TMEM131: variants seen among roughly 807,000 people sequenced by gnomAD.
TMEM131 encodes transmembrane protein 131.
In TMEM131, 66 loss-of-function variants were observed where a neutral mutation model predicts 211.6. The observed-to-expected ratio is 0.31, with a 90% CI of 0.26 to 0.38. The LOEUF is 0.38. TMEM131 is among the 10% of genes least tolerant of loss of function. TMEM131 has a pLI of 1.00. For missense variants in TMEM131, 2,036 were observed against 2,299.3 expected (o/e 0.89, Z 2.34); for synonymous variants, 844 against 841.3 (o/e 1.00, Z -0.06).
intron 2 of TMEM131, among the ~76,000 whole-genome samples, chr2:97,918,010 G>A (rs1258132887): frequency 6.6e-6 from 1 of 151,084 alleles, no homozygotes; most frequent in African/African-American, 2.4e-5. Context: ...GCAGTGGCAC[G>A]ATCTCGGCTC....
At chr2:97,943,049 GAAAGA>G in intron 1 of TMEM131, among the ~76,000 whole-genome samples, 1 of 53,512 alleles carries the variant, frequency 1.9e-5, no homozygotes, top group South Asian at 3.5e-4. Context: ...AAGAAAGAAA[GAAAGA>G]AAGAAAGAAA....
chr2:97,924,302 G>T (rs1004939068), intron 2 of TMEM131, among the ~76,000 whole-genome samples: 6 of 152,302 alleles, frequency 3.9e-5, no homozygotes, highest in African/African-American at 1.4e-4. Flanking sequence ...AGGTTCACTT[G>T]GGCCCGGGAG....
At chr2:97,781,348 C>G (rs12712120) in intron 31 of TMEM131, among the ~76,000 whole-genome samples, 41,107 of 152,110 alleles carry the variant, frequency 0.27, 6,091 homozygotes, top group Middle Eastern at 0.36. Context: ...ACTCACTAAC[C>G]CAAGTCCAAA....
chr2:97,814,479 T>A (rs527999595), intron 13 of TMEM131, 91 bp from the exon 14 acceptor site: 1 of 1,227,594 alleles, frequency 8.1e-7, no homozygotes, highest in East Asian at 2.6e-5. Context: ...AGTAATAATT[T>A]ACATTTAGCA....
At chr2:97,763,917 G>A (rs930010045) in intron 35 of TMEM131, 1 of 152,222 alleles carries the variant, frequency 6.6e-6, no homozygotes, top group African/African-American at 2.4e-5. Flanking sequence ...GAGTGAAGGG[G>A]AGACTCTGAA....
intron 1 of TMEM131, among the ~76,000 whole-genome samples, chr2:97,949,274 T>TA (rs1678189797): frequency 6.6e-6 from 1 of 152,192 alleles, no homozygotes; most frequent in African/African-American, 2.4e-5. Context: ...GTAAATACTG[T>TA]ATGATTCTGC....
intron 1 of TMEM131, among the ~76,000 whole-genome samples, chr2:97,963,017 G>T (rs1007534730): frequency 2.0e-5 from 3 of 152,148 alleles, no homozygotes; most frequent in Non-Finnish European, 4.4e-5. Context: ...TGAGGAAAAG[G>T]CACTGATTGC....
At chr2:97,822,756 T>G (rs1370849631) in intron 11 of TMEM131, among the ~76,000 whole-genome samples, 1 of 152,076 alleles carries the variant, frequency 6.6e-6, no homozygotes, top group Non-Finnish European at 1.5e-5. Context: ...CAGGGACTGT[T>G]GTGGGTGCCT....
At chr2:97,920,843 G>A (rs774267596) in intron 2 of TMEM131, among the ~76,000 whole-genome samples, 1 of 152,108 alleles carries the variant, frequency 6.6e-6, no homozygotes, top group Non-Finnish European at 1.5e-5. Context: ...ATGAGATAAA[G>A]AAGACCTAAA....
intron 15 of TMEM131, among the ~76,000 whole-genome samples, chr2:97,813,706 T>C (rs1400388606): frequency 6.6e-6 from 1 of 152,194 alleles, no homozygotes; most frequent in Non-Finnish European, 1.5e-5. Context: ...ATTACAATAG[T>C]TTAAAAGCAT....
At chr2:97,919,208 A>G (rs146594825) in intron 2 of TMEM131, among the ~76,000 whole-genome samples, 6 of 152,356 alleles carry the variant, frequency 3.9e-5, no homozygotes, top group Non-Finnish European at 7.3e-5. Context: ...TCTACAAAGT[A>G]TACATTCATT....
intron 11 of TMEM131, among the ~76,000 whole-genome samples, chr2:97,819,233 G>C (rs1681994838): frequency 6.6e-6 from 1 of 152,146 alleles, no homozygotes. Context: ...CTGCGAGTGA[G>C]GCATGCTGCT....
At chr2:97,762,269 A>C in intron 35 of TMEM131, 69 bp from the exon 36 acceptor site, 1 of 1,499,386 alleles carries the variant, frequency 6.7e-7, no homozygotes. Context: ...ATCACTTTGA[A>C]TGTTCTCTAA....
chr2:97,796,200 TTAAAA>T lies in TMEM131; in HGVS notation c.3200+13_3200+17del. 8 of 1,440,372 alleles carry T rather than the reference TTAAAA, an allele frequency of 5.6e-6. No homozygotes were observed. Among genetic ancestry groups the T allele is most frequent in the South Asian group, 1.3e-5 (1 of 76,388 alleles). The allele number at this position is 1,440,372 out of a possible 1,614,324, so 89.2% of individuals were successfully genotyped here. A position where few individuals can be genotyped will look rare whatever the true frequency, so the allele number is the denominator to read the frequency against. ...AGGAAAGTTAGTGATTCATTACACC[TTAAAA>T]TAAAATACTTACAATATGATTATAT... On this transcript the variant is annotated intron_variant, in intron 28 of 40. Transcript: ENST00000186436.
At chr2:97,900,967 C>T (rs1331843701) in intron 3 of TMEM131, among the ~76,000 whole-genome samples, 1 of 152,092 alleles carries the variant, frequency 6.6e-6, no homozygotes, top group East Asian at 1.9e-4. Flanking sequence ...TGATGACTGG[C>T]CATGCAGAGC....
At chr2:97,827,242 G>T in intron 11 of TMEM131, 3 of 771,274 alleles carry the variant, frequency 3.9e-6, no homozygotes, top group Admixed American at 3.6e-5. Flanking sequence ...CTTCCCCGCC[G>T]CCAGGATGCC....
chr2:97,983,086 G>A (rs1679866028), intron 1 of TMEM131, among the ~76,000 whole-genome samples: 1 of 152,108 alleles, frequency 6.6e-6, no homozygotes, highest in Non-Finnish European at 1.5e-5. Context: ...AGAAGCTCAG[G>A]GGTTGCCTTT....
At chr2:97,959,554 T>C (rs1678724583) in intron 1 of TMEM131, among the ~76,000 whole-genome samples, 1 of 139,182 alleles carries the variant, frequency 7.2e-6, no homozygotes, top group Admixed American at 7.0e-5. Flanking sequence ...TATATATATG[T>C]CTGCGTGTGT....
At chr2:97,953,828 C>G (rs1214805329) in intron 1 of TMEM131, among the ~76,000 whole-genome samples, 1 of 152,018 alleles carries the variant, frequency 6.6e-6, no homozygotes, top group Non-Finnish European at 1.5e-5. Context: ...GCTGGTGAAC[C>G]TTAAGTTCAT....
Sources: allele counts gnomAD v4.1 joint callset (sites outside exome capture counted in the v4.1 genomes callset), GRCh38; gene constraint gnomAD v4.1.1; transcripts MANE v1.5; gene names NCBI Gene and HGNC (gene_info 2026-07-23, HGNC 2026-07-21).